RUFY2: variants seen among roughly 807,000 people sequenced by gnomAD.
RUFY2 encodes RUN and FYVE domain-containing protein 2.
Under a neutral mutation model 94.4 loss-of-function variants are expected in RUFY2, and 49 were observed. The ratio of observed to expected loss-of-function variants is 0.52; its 90% CI spans 0.41 to 0.66. The LOEUF (loss-of-function observed/expected upper bound fraction) is 0.66. Ranked by LOEUF, RUFY2 falls within the 30% of genes least tolerant of loss-of-function variation. The pLI, the probability that RUFY2 is intolerant of heterozygous loss-of-function variation, is 0.00. For missense variants in RUFY2, 541 were observed against 692.8 expected, an observed-to-expected ratio of 0.78 and a Z score of 2.46; for synonymous variants, 255 against 235.7, an observed-to-expected ratio of 1.08 and a Z score of -0.75.
At chr10:68,388,402 G>A (rs2049692323) in intron 7 of RUFY2, among the ~76,000 whole-genome samples, 1 of 152,166 alleles carries the variant, frequency 6.6e-6, no homozygotes, top group South Asian at 2.1e-4. Flanking sequence ...GGTGGAGGTT[G>A]CAATGAGCTG....
At chr10:68,365,485 G>T (rs1465906495) in intron 13 of RUFY2, among the ~76,000 whole-genome samples, 2 of 152,102 alleles carry the variant, frequency 1.3e-5, no homozygotes, top group Non-Finnish European at 2.9e-5. Context: ...TCCTGTGACG[G>T]AATGGTGTCC....
intron 1 of RUFY2, among the ~76,000 whole-genome samples, chr10:68,406,166 G>A (rs2051278716): frequency 6.6e-6 from 1 of 150,660 alleles, no homozygotes; most frequent in East Asian, 1.9e-4. Flanking sequence ...TTCCTTCACT[G>A]AACAACAACA....
At chr10:68,370,300 T>A in intron 13 of RUFY2, among the ~76,000 whole-genome samples, 1 of 151,540 alleles carries the variant, frequency 6.6e-6, no homozygotes, top group East Asian at 1.9e-4. Flanking sequence ...AAACAGAAAG[T>A]AAACTAATCC....
chr10:68,396,716 C>T, intron 4 of RUFY2, 64 bp downstream of exon 4: 1 of 1,058,866 alleles, frequency 9.4e-7, no homozygotes, highest in Non-Finnish European at 1.4e-6. Context: ...ATCTTAAATC[C>T]TTTTTGGAAG....
chr10:68,406,723 G>T, intron 1 of RUFY2: 1 of 1,579,736 alleles, frequency 6.3e-7, no homozygotes, highest in East Asian at 2.3e-5. Flanking sequence ...AGAGGCCTGG[G>T]GGCCCCCCAG....
chr10:68,383,855 T>C lies in RUFY2; in HGVS notation c.882A>G (p.Leu294=). Residue 294 remains leucine, a synonymous_variant, in exon 10 of 18, where the codon CTA becomes CTG. Transcript: ENST00000602465. The part of the protein sequence containing the change: ...LQTYKHSRQG[L]DEMYNEARRQ... ...TTCTGGCTTCATTGTACATTTCATC[T>C]AGCCCCTGACGAGAATGCTTATATG... 1 of 1,614,028 alleles carries C rather than the reference T, an allele frequency of 6.2e-7. No homozygotes were observed. Among genetic ancestry groups the C allele is most frequent in the Non-Finnish European group, 8.5e-7 (1 of 1,179,998 alleles).
intron 7 of RUFY2, among the ~76,000 whole-genome samples, chr10:68,391,697 C>T (rs1001752796): frequency 2.7e-5 from 4 of 145,722 alleles, no homozygotes; most frequent in East Asian, 4.1e-4. Flanking sequence ...TGGTGGCTCA[C>T]GCCTGTAATC....
chr10:68,405,591 C>T (rs2051228606), intron 1 of RUFY2: 1 of 744,006 alleles, frequency 1.3e-6, no homozygotes, highest in African/African-American at 1.9e-5. Flanking sequence ...TCAGAATAAA[C>T]TGGCAATAAA....
chr10:68,345,895 C>T lies in RUFY2; in HGVS notation c.1694G>A (p.Cys565Tyr). 2 of 1,614,112 alleles carry T rather than the reference C, an allele frequency of 1.2e-6. No homozygotes were observed. Among genetic ancestry groups the T allele is most frequent in the Non-Finnish European group, 1.7e-6 (2 of 1,180,006 alleles). Residue 565 changes from cysteine (C) to tyrosine (Y), a missense_variant, in exon 18 of 18, where the codon TGT (cysteine) becomes TAT (tyrosine). Transcript: ENST00000602465. The stretch of plus-strand genomic sequence containing the variant: ...GCAGGCATTACAGAAAATTTCCCCA[C>T]AATTTCTACAGTGGTGCTATTAAAC... ...LSKRKHHCRN[C>Y]GEIFCNACSD...
At chr10:68,384,978 A>G (rs1258500560) in intron 8 of RUFY2, among the ~76,000 whole-genome samples, 1 of 150,734 alleles carries the variant, frequency 6.6e-6, no homozygotes, top group Non-Finnish European at 1.5e-5. Context: ...AATTAGGCCA[A>G]TTTGGCTGGG....
chr10:68,362,328 C>T (rs1257989072), intron 15 of RUFY2, among the ~76,000 whole-genome samples: 1 of 151,546 alleles, frequency 6.6e-6, no homozygotes, highest in African/African-American at 2.4e-5. Flanking sequence ...AAGACCTTGT[C>T]TCAAAACAAA....
At position 68,346,034 on chromosome 10, in the gene RUFY2, T is replaced by C. The variant is rs1301500192; in HGVS notation, c.1650A>G (p.Glu550=). The change falls in exon 17 of 18, where the codon GAA becomes GAG. Residue 550 remains glutamate (E), a synonymous_variant. Transcript: ENST00000602465. ...DKEATHCKLC[E]KEFSLSKRKH... is the part of the protein sequence containing the mutation. ...TTCTCTTAGAGAGTGAGAATTCCTT[T>C]TCACAAAGTTTACAATGTGTTGCTT... is the stretch of plus-strand genomic sequence containing the variant. The C allele has an allele frequency of 5.0e-6, 8 of 1,613,870 alleles. No individual in the cohort carries two copies.
chr10:68,360,200 TGAG>T (rs1230238191), intron 15 of RUFY2, among the ~76,000 whole-genome samples: 2 of 151,094 alleles, frequency 1.3e-5, no homozygotes, highest in Non-Finnish European at 1.5e-5. Context: ...TTTGTGAGGC[TGAG>T]GAGGTGGGAG....
intron 7 of RUFY2, among the ~76,000 whole-genome samples, chr10:68,392,504 GAA>G (rs1355796969): frequency 1.3e-5 from 2 of 152,148 alleles, no homozygotes; most frequent in Non-Finnish European, 2.9e-5. Context: ...GAAGCCCTTT[GAA>G]GTAGGAAAAA....
intron 12 of RUFY2, 62 bp downstream of exon 12, chr10:68,379,362 A>C: frequency 8.4e-7 from 1 of 1,195,030 alleles, no homozygotes; most frequent in Non-Finnish European, 1.2e-6. Flanking sequence ...AGGTGTAGGA[A>C]CTGAATAAAG....
At chr10:68,390,496 CCATGAGCCA>C (rs1240012483) in intron 7 of RUFY2, among the ~76,000 whole-genome samples, 3 of 152,058 alleles carry the variant, frequency 2.0e-5, no homozygotes, top group Non-Finnish European at 4.4e-5. Flanking sequence ...AGTATGGCCG[CCATGAGCCA>C]CATGTGGCTA....
intron 13 of RUFY2, among the ~76,000 whole-genome samples, chr10:68,365,426 T>C (rs1219773829): frequency 1.3e-5 from 2 of 152,168 alleles, no homozygotes; most frequent in Non-Finnish European, 2.9e-5. Context: ...TTAGATGAAC[T>C]GGCATTATCT....
intron 3 of RUFY2, among the ~76,000 whole-genome samples, chr10:68,400,246 G>A (rs1321324049): frequency 6.6e-6 from 1 of 151,964 alleles, no homozygotes; most frequent in African/African-American, 2.4e-5. Flanking sequence ...AACCTGGGAG[G>A]CAGAGGTTGC....
chr10:68,402,094 TA>T (rs1322576525), intron 2 of RUFY2, among the ~76,000 whole-genome samples: 2 of 151,660 alleles, frequency 1.3e-5, no homozygotes, highest in African/African-American at 4.8e-5. Flanking sequence ...CAAGCACAAA[TA>T]AAAAGTTATT....
Sources: allele counts gnomAD v4.1 joint callset (sites outside exome capture counted in the v4.1 genomes callset), GRCh38; gene constraint gnomAD v4.1.1; transcripts MANE v1.5; gene names NCBI Gene and HGNC (gene_info 2026-07-23, HGNC 2026-07-21).